PIP4K2A: variants seen among roughly 807,000 people sequenced by gnomAD.
PIP4K2A encodes phosphatidylinositol 5-phosphate 4-kinase type-2 alpha.
A neutral mutation model predicts 42.9 loss-of-function variants in PIP4K2A; 14 were observed. The ratio of observed to expected loss-of-function variants is 0.33; its 90% confidence interval spans 0.22 to 0.51. The LOEUF is 0.51. Ranked by LOEUF, PIP4K2A falls within the 20% of genes least tolerant of loss-of-function variation. PIP4K2A has a pLI of 0.97. For synonymous variants in PIP4K2A, 192 were observed against 192.2 expected (o/e 1.00, Z 0.01); for missense variants, 434 against 519.8 (o/e 0.83, Z 1.61).
chr10:22,699,992 G>A (rs1480960716), intron 1 of PIP4K2A, among the ~76,000 whole-genome samples: 1 of 152,178 alleles, frequency 6.6e-6, no homozygotes, highest in Non-Finnish European at 1.5e-5. Context: ...AGGAATACAA[G>A]GAGTAACCAA....
chr10:22,671,854 C>A (rs185737280), intron 1 of PIP4K2A, among the ~76,000 whole-genome samples: 11 of 151,882 alleles, frequency 7.2e-5, no homozygotes, highest in Middle Eastern at 3.4e-3. Flanking sequence ...AGTAGACAGG[C>A]CCATTACCAC....
chr10:22,668,806 A>G (rs995847137), intron 1 of PIP4K2A, among the ~76,000 whole-genome samples: 1 of 152,228 alleles, frequency 6.6e-6, no homozygotes, highest in Non-Finnish European at 1.5e-5. Context: ...TATAAGAAAC[A>G]TGTACTTCTC....
At chr10:22,591,497 G>T in intron 4 of PIP4K2A, 132 bp downstream of exon 4, 1 of 693,158 alleles carries the variant, frequency 1.4e-6, no homozygotes, top group Non-Finnish European at 2.4e-6. Flanking sequence ...AGAACACAGG[G>T]TTAGAGGAGA....
In PIP4K2A at chr10:22,536,841, C is replaced by T. The variant is rs192272662; in HGVS notation, c.*360G>A. The T allele has an allele frequency of 1.2e-5, 2 of 168,552 alleles. No homozygotes were observed. The highest frequency in any genetic ancestry group is 2.5e-5 in the African/African-American group (1 of 39,948). The allele number at this position is 168,552 out of a possible 1,614,324, so 10.4% of individuals were successfully genotyped here. ...GTTCATTCACTCACTCACTCACTCACTCATTCATTCGGCCATAGCTGGAAT... is the reference window on the plus strand; with the variant it reads ...GTTCATTCACTCACTCACTCACTCATTCATTCATTCGGCCATAGCTGGAAT... On this transcript the variant is annotated 3_prime_UTR_variant, in exon 10 of 10. Transcript: ENST00000376573.
At chr10:22,689,084 G>C (rs1022954914) in intron 1 of PIP4K2A, among the ~76,000 whole-genome samples, 1 of 152,096 alleles carries the variant, frequency 6.6e-6, no homozygotes, top group African/African-American at 2.4e-5. Flanking sequence ...GAGCACAAGG[G>C]TGGGTCTGGT....
Position 22,570,478 on chromosome 10 carries a change from CA to C in PIP4K2A, c.640-2590del, listed in dbSNP as rs1282628998. ...CCCTGGAGGATGGCTGGGATTTCCC[CA>C]GGGGCAATTCCAGGGGCACAAAATG... is the stretch of plus-strand genomic sequence containing the variant. On this transcript the variant is annotated intron_variant, in intron 5 of 9. Transcript: ENST00000376573. 3.9e-5 allele frequency among the ~76,000 whole-genome samples: 6 copies of C among 152,156 alleles called. 1 individual carries two copies. Among genetic ancestry groups the C allele is most frequent in the Admixed American group, 6.5e-5 (1 of 15,274 alleles).
At chr10:22,702,862 G>T (rs371013103) in intron 1 of PIP4K2A, among the ~76,000 whole-genome samples, 3 of 152,232 alleles carry the variant, frequency 2.0e-5, no homozygotes, top group African/African-American at 7.2e-5. Context: ...TAAACACACT[G>T]TTCTAGATGC....
At chr10:22,539,939 AAG>A (rs1836061027) in intron 9 of PIP4K2A, 30 bp downstream of exon 9, 1 of 993,506 alleles carries the variant, frequency 1.0e-6, no homozygotes, top group African/African-American at 2.0e-5. Context: ...GAGGGAGAGA[AAG>A]AGAGAAGGAA....
chr10:22,544,712 C>T (rs1055620742), intron 7 of PIP4K2A, among the ~76,000 whole-genome samples: 3 of 152,254 alleles, frequency 2.0e-5, no homozygotes, highest in African/African-American at 7.2e-5. Flanking sequence ...TTCTGCTTAA[C>T]ACATTTCCAT....
rs1205279573 is a variant in PIP4K2A at position 22,608,015 on chromosome 10, A to G, written c.251T>C (p.Met84Thr). ...TTCCTTAAACTTGAAATGGCTCGGC[A>G]TGTTTTCTCTGAAACAGTCACAGCG... is the stretch of plus-strand genomic sequence containing the variant. The part of the protein sequence containing the change: ...VDNHLFNKEN[M>T]PSHFKFKEYC... The change falls in exon 3 of 10, where the codon ATG becomes ACG. Residue 84 changes from methionine to threonine, a missense_variant. By Grantham distance (81) the Met-to-Thr change is moderately conservative. Transcript: ENST00000376573. 1.2e-6 allele frequency: 2 copies of G among 1,607,512 alleles called. No homozygotes were observed. Among genetic ancestry groups the G allele is most frequent in the Admixed American group, 1.7e-5 (1 of 59,946 alleles).
intron 1 of PIP4K2A, among the ~76,000 whole-genome samples, chr10:22,672,471 T>C (rs1399750006): frequency 1.3e-5 from 2 of 152,238 alleles, no homozygotes; most frequent in Non-Finnish European, 2.9e-5. Flanking sequence ...TGCATATTTC[T>C]TGCTAATGCT....
rs147148094 is a variant in PIP4K2A at position 22,610,754 on chromosome 10, G to A, written c.145-1037C>T. Among the ~76,000 whole-genome samples, 412 of 152,294 alleles carry A rather than the reference G, an allele frequency of 2.7e-3. 1 individual carries two copies. Among genetic ancestry groups the A allele is most frequent in the Non-Finnish European group, 4.1e-3 (279 of 68,022 alleles). On this transcript the variant is annotated intron_variant, in intron 1 of 9. Coordinates refer to ENST00000376573, the MANE Select transcript of PIP4K2A (RefSeq NM_005028.5). ...GTTTCAACACTTACTTGGGCCAAAC[G>A]AAAGCTGGGAGCTCAACAAAGGCTT...
intron 3 of PIP4K2A, among the ~76,000 whole-genome samples, chr10:22,605,529 T>C (rs1205484533): frequency 2.0e-5 from 3 of 152,256 alleles, no homozygotes; most frequent in Non-Finnish European, 4.4e-5. Flanking sequence ...TTTTAAAAAC[T>C]ACTTTTCTCT....
At chr10:22,617,998 C>T (rs909095551) in intron 1 of PIP4K2A, among the ~76,000 whole-genome samples, 9 of 152,082 alleles carry the variant, frequency 5.9e-5, no homozygotes, top group Admixed American at 1.3e-4. Flanking sequence ...AGAAGTGTAA[C>T]GCATAACTTG....
rs1833722739 is a variant in PIP4K2A, at chr10:22,701,940, C to T, written c.144+12243G>A. On this transcript the variant is annotated intron_variant, in intron 1 of 9. Transcript: ENST00000376573. ...TGAAGTCTAATAGGAAACCTTTTCT[C>T]CATAAGGCTACAATGGGTCTACCAA... is the stretch of plus-strand genomic sequence containing the variant. Among the ~76,000 whole-genome samples, 4 of 152,314 alleles carry T rather than the reference C, an allele frequency of 2.6e-5. No homozygotes were observed. The South Asian group carries it at 8.3e-4, about 32-fold the overall frequency.
At chr10:22,713,011 G>A (rs1304046312) in intron 1 of PIP4K2A, among the ~76,000 whole-genome samples, 1 of 151,856 alleles carries the variant, frequency 6.6e-6, no homozygotes, top group Non-Finnish European at 1.5e-5. Flanking sequence ...AGGACATACA[G>A]ACATCCATCG....
chr10:22,541,098 T>C (rs1836099207), intron 8 of PIP4K2A, among the ~76,000 whole-genome samples: 1 of 152,212 alleles, frequency 6.6e-6, no homozygotes, highest in African/African-American at 2.4e-5. Flanking sequence ...CACGGATAAG[T>C]TGCTAAGGTA....
chr10:22,651,287 T>C (rs1838990781), intron 1 of PIP4K2A, among the ~76,000 whole-genome samples: 1 of 152,160 alleles, frequency 6.6e-6, no homozygotes, highest in Non-Finnish European at 1.5e-5. Context: ...GCGGCTGTGA[T>C]TGTTTAAAAG....
At chr10:22,542,312 T>TGGCTGGATTTTACTAGATAGCAA (rs6143823) in intron 7 of PIP4K2A, among the ~76,000 whole-genome samples, 2 of 151,634 alleles carry the variant, frequency 1.3e-5, no homozygotes, top group African/African-American at 2.4e-5. Flanking sequence ...TATCACAGGG[T>TGGCTGGATTTTACTAGATAGCAA]GGCTGGATTT....
Sources: gnomAD v4.1 joint callset for allele counts (sites outside exome capture counted in the v4.1 genomes callset) on GRCh38, gnomAD v4.1.1 for gene constraint, MANE v1.5 for transcripts, NCBI Gene and HGNC (gene_info 2026-07-23, HGNC 2026-07-21) for gene names.